Variants in TAF1A observed in about 807,000 individuals in gnomAD.
TAF1A encodes TATA-box binding protein associated factor, RNA polymerase I subunit A.
TAF1A carries 42 observed loss-of-function variants against 61.6 expected under a neutral mutation model. The observed-to-expected ratio is 0.68, with a 90% confidence interval of 0.53 to 0.88. TAF1A has a LOEUF of 0.88. Among genes scored for constraint, TAF1A ranks in the 40% least tolerant of loss-of-function variants. The probability of loss-of-function intolerance (pLI) is 0.00; values close to 1 mark genes in which losing one functional copy is unlikely to be tolerated. For synonymous variants in TAF1A, 179 were observed against 177.7 expected (o/e 1.01, Z -0.06); for missense variants, 424 against 518.7 (o/e 0.82, Z 1.77).
At chr1:222,566,833 G>C (rs1393670792) in intron 7 of TAF1A, among the ~76,000 whole-genome samples, 1 of 152,210 alleles carries the variant, frequency 6.6e-6, no homozygotes, top group East Asian at 1.9e-4. Flanking sequence ...CTGTTAGCCA[G>C]GATGTGGAAT....
At position 222,558,759 on chromosome 1, in the gene TAF1A, G is replaced by T; in HGVS notation, c.1254C>A (p.Phe418Leu). Residue 418 changes from phenylalanine (F) to leucine (L), a missense_variant, in exon 11 of 11, where the codon TTC (phenylalanine) becomes TTA (leucine). By Grantham distance (22) the Phe-to-Leu change is conservative. Transcript: ENST00000352967. ...GGTGATCTTGCTTTAAAATATACCG[G>T]AAATATCTACAACCTAAAAAGTTAA... ...GLLLGKGCRY[F>L]RYILKQDHQI... The T allele has an allele frequency of 6.6e-7, 1 of 1,518,988 alleles. No individual in the cohort carries two copies. Among genetic ancestry groups the T allele is most frequent in the South Asian group, 1.3e-5 (1 of 76,406 alleles). 94.1% of individuals were successfully genotyped at this position (1,518,988 alleles called of 1,614,324 possible). A position where few individuals can be genotyped will look rare whatever the true frequency, so the allele number is the denominator to read the frequency against.
At chr1:222,571,404 A>G (rs1168780796) in intron 5 of TAF1A, among the ~76,000 whole-genome samples, 4 of 152,126 alleles carry the variant, frequency 2.6e-5, no homozygotes, top group African/African-American at 9.7e-5. Flanking sequence ...GAACATAACA[A>G]AAAGATATCC....
chr1:222,577,084 T>G (rs891617547), intron 5 of TAF1A, among the ~76,000 whole-genome samples: 2 of 83,222 alleles, frequency 2.4e-5, no homozygotes, highest in Non-Finnish European at 4.9e-5. Context: ...ACCCCCACCC[T>G]TTACAACCCC....
chr1:222,574,967 T>C (rs1443910750), intron 5 of TAF1A, among the ~76,000 whole-genome samples: 1 of 152,200 alleles, frequency 6.6e-6, no homozygotes, highest in African/African-American at 2.4e-5. Context: ...GTGGTGGTTA[T>C]GTGAATGTCC....
At chr1:222,554,128 T>C (rs1261733836), downstream of TAF1A, among the ~76,000 whole-genome samples, 1 of 152,252 alleles carries the variant, frequency 6.6e-6, no homozygotes. Flanking sequence ...TTATTTGTTC[T>C]TCATTTGGAA....
chr1:222,589,865 G>T lies in TAF1A; in HGVS notation c.-141C>A, dbSNP rs1279503578. The T allele has an allele frequency of 3.3e-5, 13 of 394,314 alleles. No individual in the cohort carries two copies. Among genetic ancestry groups the T allele is most frequent in the Admixed American group, 2.7e-4 (6 of 22,612 alleles). The allele number at this position is 394,314 out of a possible 1,614,324, so 24.4% of individuals were successfully genotyped here. On this transcript the variant is annotated 5_prime_UTR_variant, in exon 1 of 11. Transcript: ENST00000352967. Reference sequence around the variant, plus strand: ...AACCTGGTTTAGGTATTTAGGCAGCGCGCGGCCCGGCTCGTAACTCCTCCT... The same window carrying T: ...AACCTGGTTTAGGTATTTAGGCAGCTCGCGGCCCGGCTCGTAACTCCTCCT...
At chr1:222,578,045 C>A (rs1262746140) in intron 4 of TAF1A, among the ~76,000 whole-genome samples, 1 of 152,134 alleles carries the variant, frequency 6.6e-6, no homozygotes, top group Non-Finnish European at 1.5e-5. Flanking sequence ...ATAATACTTG[C>A]AAATCACCTA....
chr1:222,574,707 C>A (rs1660497506), intron 5 of TAF1A, among the ~76,000 whole-genome samples: 1 of 152,040 alleles, frequency 6.6e-6, no homozygotes, highest in African/African-American at 2.4e-5. Flanking sequence ...TGATTTTGAA[C>A]AAAATATGCA....
chr1:222,585,352 A>T (rs889530546), intron 2 of TAF1A, among the ~76,000 whole-genome samples: 1 of 152,208 alleles, frequency 6.6e-6, no homozygotes, highest in African/African-American at 2.4e-5. Flanking sequence ...TGTCAATTAA[A>T]AAAAATAGCA....
rs1659790722 is a variant in TAF1A, at chr1:222,558,538, A to G, written c.*122T>C. The G allele has an allele frequency of 5.4e-6, 2 of 371,256 alleles. No homozygotes were observed. Among genetic ancestry groups the G allele is most frequent in the South Asian group, 2.8e-4 (2 of 7,022 alleles). The allele number at this position is 371,256 out of a possible 1,614,324, so 23.0% of individuals were successfully genotyped here. ...ATAAATAATACAAAAATATAAAAAT[A>G]TATAAAAATAAGTTTTTTGTAGTAA... On this transcript the variant is annotated 3_prime_UTR_variant, in exon 11 of 11. Coordinates refer to ENST00000352967, the MANE Select transcript of TAF1A (RefSeq NM_005681.4).
chr1:222,577,500 T>C lies in TAF1A; in HGVS notation c.549A>G (p.Lys183=). 6.2e-7 allele frequency: 1 copy of C among 1,614,002 alleles called. No homozygotes were observed. Among genetic ancestry groups the C allele is most frequent in the Non-Finnish European group, 8.5e-7 (1 of 1,179,926 alleles). ...ACCAGGTATAATACTGTAAAAGCCC[T>C]TTATAGGCCTGAATAAGGTTGATTA... ...EILINLIQAY[K]GLLQYYTWSE... Residue 183 remains lysine (K), a synonymous_variant, in exon 5 of 11, where the codon AAA becomes AAG. Coordinates refer to ENST00000352967, the MANE Select transcript of TAF1A (RefSeq NM_005681.4).
chr1:222,580,054 T>C (rs1660727384), intron 3 of TAF1A, among the ~76,000 whole-genome samples, 182 bp from the exon 4 acceptor site: 1 of 152,224 alleles, frequency 6.6e-6, no homozygotes. Context: ...TGTGATAGAA[T>C]AGTTTTAACC....
chr1:222,561,143 C>G (rs1489568352), intron 10 of TAF1A, among the ~76,000 whole-genome samples: 1 of 152,104 alleles, frequency 6.6e-6, no homozygotes, highest in Non-Finnish European at 1.5e-5. Context: ...TAACAACACT[C>G]AAGTCAGGAG....
Position 222,563,214 on chromosome 1 carries a change from A to C in TAF1A, c.1044T>G (p.Ala348=), listed in dbSNP as rs773668822. The change falls in exon 9 of 11, where the codon GCT becomes GCG. Residue 348 remains alanine, a synonymous_variant. Transcript: ENST00000352967. ...TCAGATATTTTGCCAAGTATTTCCA[A>C]GCAGTTATATTCTTAGTGCATCCGG... ...DFAGCTKNIT[A]WKYLAKYLKN... is the part of the protein sequence containing the mutation. The C allele has an allele frequency of 6.2e-7, 1 of 1,612,778 alleles. No homozygotes were observed. Among genetic ancestry groups the C allele is most frequent in the Non-Finnish European group, 8.5e-7 (1 of 1,179,206 alleles).
At chr1:222,587,732 A>G (rs1212358460) in intron 2 of TAF1A, among the ~76,000 whole-genome samples, 3 of 152,180 alleles carry the variant, frequency 2.0e-5, no homozygotes, top group Non-Finnish European at 2.9e-5. Flanking sequence ...GCTTGCATTT[A>G]CATTAGATAA....
intron 7 of TAF1A, chr1:222,569,176 G>T: frequency 2.2e-6 from 2 of 899,970 alleles, no homozygotes; most frequent in South Asian, 2.4e-5. Flanking sequence ...TGAATGTAAC[G>T]CATCCAAGCA....
At chr1:222,583,609 G>A (rs547913937) in intron 3 of TAF1A, among the ~76,000 whole-genome samples, 5 of 152,176 alleles carry the variant, frequency 3.3e-5, no homozygotes, top group Non-Finnish European at 5.9e-5. Flanking sequence ...GGAGGCCGAG[G>A]CAGGCGGATC....
chr1:222,556,399 C>A (rs951735609), downstream of TAF1A, among the ~76,000 whole-genome samples: 4 of 152,170 alleles, frequency 2.6e-5, no homozygotes, highest in African/African-American at 9.7e-5. Context: ...CACTGGGAGG[C>A]CATACAGATA....
intron 3 of TAF1A, among the ~76,000 whole-genome samples, chr1:222,583,598 G>C (rs950570993): frequency 6.6e-6 from 1 of 152,068 alleles, no homozygotes; most frequent in African/African-American, 2.4e-5. Flanking sequence ...CCAGCACTTT[G>C]GGAGGCCGAG....
Sources: allele counts gnomAD v4.1 joint callset (sites outside exome capture counted in the v4.1 genomes callset), GRCh38; gene constraint gnomAD v4.1.1; transcripts MANE v1.5; gene names NCBI Gene and HGNC (gene_info 2026-07-23, HGNC 2026-07-21).